Variants in MAGI2 observed in about 807,000 individuals in gnomAD.
MAGI2 encodes membrane associated guanylate kinase, WW and PDZ domain containing 2, also known as membrane-associated guanylate kinase, WW and PDZ domain-containing protein 2.
Under a neutral mutation model 133.3 loss-of-function variants are expected in MAGI2, and 35 were observed. The ratio of observed to expected loss-of-function variants is 0.26; its 90% CI spans 0.20 to 0.35. MAGI2 has a LOEUF of 0.35. MAGI2 is among the 10% of genes least tolerant of loss of function. The pLI is 1.00. For missense variants in MAGI2, 1,636 were observed against 1,863.4 expected (o/e 0.88, Z 2.25); for synonymous variants, 729 against 710.6 (o/e 1.03, Z -0.41).
At chr7:78,042,239 A>T (rs886144828) in intron 21 of MAGI2, among the ~76,000 whole-genome samples, 1 of 152,204 alleles carries the variant, frequency 6.6e-6, no homozygotes, top group African/African-American at 2.4e-5. Flanking sequence ...CCAGTGGTTG[A>T]GGAATATGTT....
intron 21 of MAGI2, among the ~76,000 whole-genome samples, chr7:78,022,788 CTT>C (rs927895278): frequency 1.1e-4 from 17 of 152,208 alleles, no homozygotes; most frequent in Admixed American, 9.2e-4. Context: ...GGGAGACACT[CTT>C]TTCTTTCCCT....
At chr7:79,176,744 T>G (rs1162400425) in intron 1 of MAGI2, among the ~76,000 whole-genome samples, 1 of 152,018 alleles carries the variant, frequency 6.6e-6, no homozygotes, top group Non-Finnish European at 1.5e-5. Context: ...TGGGAGAACT[T>G]GACAATTTAT....
At chr7:79,247,100 A>G (rs551638586) in intron 1 of MAGI2, among the ~76,000 whole-genome samples, 1 of 152,158 alleles carries the variant, frequency 6.6e-6, no homozygotes, top group Non-Finnish European at 1.5e-5. Context: ...GACAAAAAAA[A>G]CCTGTGACAT....
intron 21 of MAGI2, among the ~76,000 whole-genome samples, chr7:78,020,400 GC>G (rs1202120282): frequency 1.5e-4 from 23 of 152,292 alleles, no homozygotes; most frequent in Middle Eastern, 3.4e-3. Flanking sequence ...CCCGGGAGGA[GC>G]AGGCCCGGAG....
At chr7:78,397,817 G>A (rs1199821583) in intron 6 of MAGI2, among the ~76,000 whole-genome samples, 3 of 152,006 alleles carry the variant, frequency 2.0e-5, no homozygotes, top group African/African-American at 4.8e-5. Flanking sequence ...AGTTCCATAC[G>A]ATTCCAGACA....
At chr7:78,054,081 T>C (rs1812303221) in intron 21 of MAGI2, among the ~76,000 whole-genome samples, 2 of 152,184 alleles carry the variant, frequency 1.3e-5, no homozygotes, top group Non-Finnish European at 2.9e-5. Flanking sequence ...ATATGGTAGT[T>C]CTTTCTCAAA....
chr7:78,640,557 T>C (rs1290013069), intron 2 of MAGI2, among the ~76,000 whole-genome samples: 1 of 152,156 alleles, frequency 6.6e-6, no homozygotes, highest in Admixed American at 6.5e-5. Context: ...TTACCTCCTT[T>C]AGAGAGATCA....
intron 1 of MAGI2, among the ~76,000 whole-genome samples, chr7:79,116,802 C>G (rs1819450301): frequency 6.6e-6 from 1 of 152,150 alleles, no homozygotes; most frequent in South Asian, 2.1e-4. Context: ...CCTTCTCTCT[C>G]TCTTGCTCCC....
intron 1 of MAGI2, among the ~76,000 whole-genome samples, chr7:79,380,746 T>A (rs1843717447): frequency 6.6e-6 from 1 of 151,724 alleles, no homozygotes; most frequent in African/African-American, 2.4e-5. Context: ...AGTAAAGGTG[T>A]ACACAGGAAG....
At chr7:79,104,288 G>A (rs922509227) in intron 1 of MAGI2, among the ~76,000 whole-genome samples, 5 of 152,158 alleles carry the variant, frequency 3.3e-5, no homozygotes, top group African/African-American at 1.2e-4. Context: ...TAGACTGTGA[G>A]CTTCGGAGGG....
intron 1 of MAGI2, among the ~76,000 whole-genome samples, chr7:79,379,977 A>T (rs113886533): frequency 6.6e-6 from 1 of 151,288 alleles, no homozygotes; most frequent in Non-Finnish European, 1.5e-5. Context: ...CCTTCCTTAC[A>T]TCTTACACAA....
chr7:78,464,557 A>G (rs2151520543), intron 6 of MAGI2, among the ~76,000 whole-genome samples: 1 of 152,240 alleles, frequency 6.6e-6, no homozygotes, highest in East Asian at 1.9e-4. Flanking sequence ...AAGTGTTCAT[A>G]AAATTTAGCT....
chr7:78,701,988 C>A (rs556440503), intron 2 of MAGI2, among the ~76,000 whole-genome samples: 5 of 152,008 alleles, frequency 3.3e-5, no homozygotes, highest in East Asian at 1.9e-4. Flanking sequence ...CTGATGAATT[C>A]TCATAATTCT....
At chr7:78,346,152 C>T (rs1468516202) in intron 7 of MAGI2, 109 bp from the exon 8 acceptor site, 5 of 1,239,494 alleles carry the variant, frequency 4.0e-6, no homozygotes, top group Non-Finnish European at 5.7e-6. Flanking sequence ...TATCTGATTA[C>T]AGTCAAGTGC....
chr7:78,118,501 A>T (rs1215423244), intron 20 of MAGI2, among the ~76,000 whole-genome samples: 3 of 152,238 alleles, frequency 2.0e-5, no homozygotes, highest in Admixed American at 2.0e-4. Flanking sequence ...TTAAAACTCA[A>T]CAATAAAAAG....
At chr7:78,301,257 G>A (rs1246200546) in intron 9 of MAGI2, among the ~76,000 whole-genome samples, 2 of 152,078 alleles carry the variant, frequency 1.3e-5, no homozygotes, top group Non-Finnish European at 2.9e-5. Context: ...CTAGTGACCC[G>A]GAGTCAGAAA....
intron 19 of MAGI2, 33 bp from the exon 20 acceptor site, chr7:78,125,870 T>C: frequency 1.2e-6 from 2 of 1,605,546 alleles, no homozygotes; most frequent in Non-Finnish European, 1.7e-6. Context: ...GAATAAATAA[T>C]TATTTAGTTA....
At chr7:78,816,361 C>T (rs1162263186) in intron 2 of MAGI2, among the ~76,000 whole-genome samples, 1 of 152,168 alleles carries the variant, frequency 6.6e-6, no homozygotes, top group Non-Finnish European at 1.5e-5. Flanking sequence ...TAGCAAGTTA[C>T]TCAAGTGATC....
intron 1 of MAGI2, among the ~76,000 whole-genome samples, chr7:79,046,216 T>C (rs1363680755): frequency 6.6e-6 from 1 of 152,190 alleles, no homozygotes; most frequent in Non-Finnish European, 1.5e-5. Context: ...AATGTGACTG[T>C]GTTTCGAAAT....
Sources: gnomAD v4.1 joint callset for allele counts (sites outside exome capture counted in the v4.1 genomes callset) on GRCh38, gnomAD v4.1.1 for gene constraint, MANE v1.5 for transcripts, NCBI Gene and HGNC (gene_info 2026-07-23, HGNC 2026-07-21) for gene names.